Variants in CSMD1 observed in about 807,000 individuals in gnomAD.
CSMD1 encodes CUB and sushi domain-containing protein 1.
CSMD1 carries 213 observed loss-of-function variants against 417.5 expected under a neutral mutation model. The observed-to-expected ratio is 0.51, with a 90% confidence interval of 0.46 to 0.57. CSMD1 has a LOEUF of 0.57. CSMD1 is among the 20% of genes least tolerant of loss of function. The pLI, the probability that CSMD1 is intolerant of heterozygous loss-of-function variation, is 0.00. For synonymous variants in CSMD1, 2,862 were observed against 1,736.8 expected, an observed-to-expected ratio of 1.65 and a Z score of -16.11; for missense variants, 6,923 against 4,529.7, an observed-to-expected ratio of 1.53 and a Z score of -15.17.
At chr8:3,883,417 T>C (rs1278793299) in intron 5 of CSMD1, among the ~76,000 whole-genome samples, 1 of 152,142 alleles carries the variant, frequency 6.6e-6, no homozygotes, top group Non-Finnish European at 1.5e-5. Flanking sequence ...TGTGTATATA[T>C]GTATGTGTGT....
At position 3,290,494 on chromosome 8, in the gene CSMD1, A is replaced by G. The variant is rs200805982; in HGVS notation, c.3951-6148T>C. Among the ~76,000 whole-genome samples the G allele has an allele frequency of 2.9e-5, 4 of 137,182 alleles. 1 individual carries two copies. Among genetic ancestry groups the G allele is most frequent in the African/African-American group, 1.2e-4 (4 of 33,292 alleles). The allele number at this position is 137,182 out of a possible 152,430, so 90.0% of individuals were successfully genotyped here. On this transcript the variant is annotated intron_variant, in intron 25 of 69. Transcript: ENST00000635120. Reference sequence around the variant, plus strand: ...TTCTTCCATTTGTTTGTATCCTTTTATTTCCTTGAGCAGTGGTTTGTAGTT... The same window carrying G: ...TTCTTCCATTTGTTTGTATCCTTTTGTTTCCTTGAGCAGTGGTTTGTAGTT...
At chr8:4,674,950 C>A (rs980101365) in intron 1 of CSMD1, among the ~76,000 whole-genome samples, 1 of 152,172 alleles carries the variant, frequency 6.6e-6, no homozygotes, top group Non-Finnish European at 1.5e-5. Context: ...CTTCCTCATT[C>A]TCCTCCATGA....
chr8:3,943,423 T>A (rs1314558202), intron 5 of CSMD1, among the ~76,000 whole-genome samples: 10 of 137,174 alleles, frequency 7.3e-5, no homozygotes, highest in African/African-American at 8.1e-5. Context: ...TTTTTTTCAT[T>A]AAAAAAAAAA....
intron 3 of CSMD1, among the ~76,000 whole-genome samples, chr8:4,127,277 C>A (rs916318883): frequency 6.6e-6 from 1 of 151,938 alleles, no homozygotes; most frequent in South Asian, 2.1e-4. Context: ...AGGTTATTCT[C>A]ATGCGGCTCC....
chr8:2,960,865 G>C (rs1803394533), intron 62 of CSMD1, among the ~76,000 whole-genome samples: 1 of 147,278 alleles, frequency 6.8e-6, no homozygotes. Context: ...ATTTCAAATA[G>C]AAAATAATGT....
intron 1 of CSMD1, among the ~76,000 whole-genome samples, chr8:4,951,786 G>A (rs1585395363): frequency 1.3e-5 from 2 of 151,384 alleles, no homozygotes; most frequent in Admixed American, 6.6e-5. Flanking sequence ...AATATCTCTG[G>A]TGAAAGATAT....
At chr8:4,503,643 C>A (rs1585174831) in intron 2 of CSMD1, among the ~76,000 whole-genome samples, 1 of 152,052 alleles carries the variant, frequency 6.6e-6, no homozygotes. Flanking sequence ...CAACCGAGGC[C>A]CAACACATGA....
chr8:4,429,407 A>G (rs1797744462), intron 2 of CSMD1, among the ~76,000 whole-genome samples: 1 of 152,166 alleles, frequency 6.6e-6, no homozygotes, highest in African/African-American at 2.4e-5. Flanking sequence ...TCGGACAAAG[A>G]AAAAGCATCC....
intron 3 of CSMD1, among the ~76,000 whole-genome samples, chr8:4,405,306 C>T (rs73177366): frequency 0.19 from 29,183 of 151,984 alleles, 3,395 homozygotes; most frequent in Admixed American, 0.26. Flanking sequence ...GAAATAACTT[C>T]CACTTAGTTT....
At chr8:4,052,213 C>T (rs1053360611) in intron 3 of CSMD1, among the ~76,000 whole-genome samples, 1 of 152,144 alleles carries the variant, frequency 6.6e-6, no homozygotes, top group African/African-American at 2.4e-5. Context: ...GCATGAGCCA[C>T]CGTGCCCACC....
chr8:3,825,891 A>G (rs559136300), intron 5 of CSMD1, among the ~76,000 whole-genome samples: 39 of 152,358 alleles, frequency 2.6e-4, no homozygotes, highest in African/African-American at 9.4e-4. Context: ...AAACCAAGGT[A>G]TCATGACAAA....
chr8:3,302,225 TC>T (rs1481731832), intron 25 of CSMD1, among the ~76,000 whole-genome samples: 5 of 152,180 alleles, frequency 3.3e-5, no homozygotes. Flanking sequence ...GAAGTTTGGA[TC>T]AGCTTCCACC....
chr8:3,485,039 A>C lies in CSMD1; in HGVS notation c.1448+8584T>G, dbSNP rs909276120. ...AAACTAAACATACAACCAACATACA[A>C]CTCAAGCAATTACACTCCTAAGTAA... On this transcript the variant is annotated intron_variant, in intron 11 of 69. Coordinates refer to ENST00000635120, the MANE Select transcript of CSMD1 (RefSeq NM_033225.6). 4.6e-5 allele frequency among the ~76,000 whole-genome samples: 7 copies of C among 152,280 alleles called. No homozygotes were observed. In the South Asian group the frequency reaches 1.2e-3, roughly 27 times the overall value.
At chr8:4,301,002 A>C (rs370446973) in intron 3 of CSMD1, among the ~76,000 whole-genome samples, 1 of 152,194 alleles carries the variant, frequency 6.6e-6, no homozygotes, top group East Asian at 1.9e-4. Flanking sequence ...ATAAGTGTGC[A>C]TGTGTCTTTA....
At chr8:2,972,988 G>A in intron 57 of CSMD1, 129 bp downstream of exon 57, 1 of 883,056 alleles carries the variant, frequency 1.1e-6, no homozygotes, top group Non-Finnish European at 1.7e-6. Context: ...CACAAATATT[G>A]CGGGGAAAAG....
At chr8:3,170,414 T>G (rs1820511067) in intron 37 of CSMD1, among the ~76,000 whole-genome samples, 1 of 152,110 alleles carries the variant, frequency 6.6e-6, no homozygotes, top group African/African-American at 2.4e-5. Flanking sequence ...TTCACTGTGT[T>G]AGCCAGGATG....
chr8:4,914,125 C>T (rs1805890312), intron 1 of CSMD1, among the ~76,000 whole-genome samples: 1 of 152,080 alleles, frequency 6.6e-6, no homozygotes, highest in African/African-American at 2.4e-5. Flanking sequence ...GTTGAGCTCC[C>T]TACACAGTTT....
In CSMD1 at chr8:4,474,120, G is replaced by C. The variant is rs570728749; in HGVS notation, c.303-54055C>G. Reference sequence around the variant, plus strand: ...AACATACACAAAAAGAAACTAGAGAGATTGAAAATGATAAATTTGCCTGCC... The same window carrying C: ...AACATACACAAAAAGAAACTAGAGACATTGAAAATGATAAATTTGCCTGCC... On this transcript the variant is annotated intron_variant, in intron 2 of 69. Transcript: ENST00000635120. Among the ~76,000 whole-genome samples, 50 of 152,214 alleles carry C rather than the reference G, an allele frequency of 3.3e-4. No homozygotes were observed. The South Asian group carries it at 1.0e-2, about 30-fold the overall frequency.
At chr8:3,324,898 G>A (rs1806424341) in intron 23 of CSMD1, among the ~76,000 whole-genome samples, 12 of 151,758 alleles carry the variant, frequency 7.9e-5, no homozygotes, top group Non-Finnish European at 1.5e-5. Context: ...ATGTTCCTCG[G>A]TCTAGTTGCC....
Sources: allele counts gnomAD v4.1 joint callset (sites outside exome capture counted in the v4.1 genomes callset), GRCh38; gene constraint gnomAD v4.1.1; transcripts MANE v1.5; gene names NCBI Gene and HGNC (gene_info 2026-07-23, HGNC 2026-07-21).